The following RNF169 variants were observed in gnomAD, a reference collection of about 807,000 sequenced individuals.
RNF169 encodes ring finger protein 169, also known as E3 ubiquitin-protein ligase RNF169.
RNF169 carries 24 observed loss-of-function variants against 53.9 expected under a neutral mutation model. That is an observed-to-expected ratio of 0.45 (90% confidence interval 0.32 to 0.63). The LOEUF (loss-of-function observed/expected upper bound fraction) is 0.63. RNF169 is among the 20% of genes least tolerant of loss of function. The pLI is 0.04. For missense variants in RNF169, 883 were observed against 906.2 expected (o/e 0.97, Z 0.33); for synonymous variants, 396 against 363.5 (o/e 1.09, Z -1.02).
At chr11:74,829,926 G>A (rs976099616) in intron 4 of RNF169, among the ~76,000 whole-genome samples, 5 of 152,134 alleles carry the variant, frequency 3.3e-5, no homozygotes, top group African/African-American at 1.2e-4. Flanking sequence ...CCTAGGTGAT[G>A]GGATGATCTG....
rs575406389 is a variant in RNF169 at position 74,841,776 on chromosome 11, C to G, written c.*5046C>G. ...GGCAATGAACTCGCTCTTCAAATAC[C>G]ATAGTTCAAGAGTAGCTGTTGGCCC... is the stretch of plus-strand genomic sequence containing the variant. On this transcript the variant is annotated 3_prime_UTR_variant, in exon 6 of 6. Coordinates refer to ENST00000299563, the MANE Select transcript of RNF169 (RefSeq NM_001098638.2). 1 of 152,266 alleles carries G rather than the reference C, an allele frequency of 6.6e-6. No individual in the cohort carries two copies. The highest frequency in any genetic ancestry group is 6.5e-5 in the Admixed American group (1 of 15,294). The allele number at this position is 152,266 out of a possible 1,614,324, so 9.4% of individuals were successfully genotyped here.
intron 2 of RNF169, among the ~76,000 whole-genome samples, chr11:74,808,402 G>A (rs12287287): frequency 0.041 from 6,271 of 152,196 alleles, 134 homozygotes; most frequent in African/African-American, 0.058. Context: ...GTGCATTTAG[G>A]ATGTTTAGTA....
At chr11:74,766,354 CAG>C (rs920720601) in intron 1 of RNF169, among the ~76,000 whole-genome samples, 8 of 152,092 alleles carry the variant, frequency 5.3e-5, no homozygotes, top group Non-Finnish European at 8.8e-5. Flanking sequence ...AAAAAAGCAA[CAG>C]AGGGGTGATT....
rs1218409884 is a variant in RNF169 at position 74,839,873 on chromosome 11, T to A, written c.*3143T>A. ...TGGCCCCTTTAATCTATTTGCCTCT[T>A]TTTAAAAAAGGTTAAGTCTTCTTGG... is the stretch of plus-strand genomic sequence containing the variant. On this transcript the variant is annotated 3_prime_UTR_variant, in exon 6 of 6. Coordinates refer to ENST00000299563, the MANE Select transcript of RNF169 (RefSeq NM_001098638.2). The A allele has an allele frequency of 6.6e-6, 1 of 152,204 alleles. No homozygotes were observed. The highest frequency in any genetic ancestry group is 1.5e-5 in the Non-Finnish European group (1 of 68,044). The allele number at this position is 152,204 out of a possible 1,614,324, so 9.4% of individuals were successfully genotyped here.
intron 4 of RNF169, among the ~76,000 whole-genome samples, chr11:74,830,052 C>T (rs1241035874): frequency 6.6e-6 from 1 of 152,094 alleles, no homozygotes; most frequent in African/African-American, 2.4e-5. Context: ...TACATCAAAA[C>T]TTACTGAATG....
At chr11:74,821,263 G>C (rs2036005590) in intron 4 of RNF169, among the ~76,000 whole-genome samples, 1 of 152,196 alleles carries the variant, frequency 6.6e-6, no homozygotes, top group South Asian at 2.1e-4. Context: ...GTGAGAATCT[G>C]TCCAGTTATT....
intron 4 of RNF169, among the ~76,000 whole-genome samples, chr11:74,825,107 CAAAG>C (rs775230768): frequency 6.6e-6 from 1 of 151,998 alleles, no homozygotes; most frequent in Non-Finnish European, 1.5e-5. Flanking sequence ...TTACAAAAGA[CAAAG>C]AAATACATTA....
intron 2 of RNF169, among the ~76,000 whole-genome samples, chr11:74,804,361 A>G (rs1259284832): frequency 6.6e-6 from 1 of 152,200 alleles, no homozygotes; most frequent in Non-Finnish European, 1.5e-5. Context: ...GTAAAATAAC[A>G]ATTTGTGAAG....
chr11:74,767,170 A>T (rs116125484), intron 1 of RNF169, among the ~76,000 whole-genome samples: 284 of 152,198 alleles, frequency 1.9e-3, no homozygotes, highest in African/African-American at 6.6e-3. Context: ...CTCAGGTGAA[A>T]CACAGACTGA....
At chr11:74,771,654 T>G (rs1383834559) in intron 1 of RNF169, among the ~76,000 whole-genome samples, 1 of 152,146 alleles carries the variant, frequency 6.6e-6, no homozygotes. Context: ...CAGAGAGCTA[T>G]GATTGCATCA....
chr11:74,802,886 A>G (rs1402328012), intron 2 of RNF169, among the ~76,000 whole-genome samples: 1 of 142,986 alleles, frequency 7.0e-6, no homozygotes, highest in African/African-American at 2.6e-5. Flanking sequence ...CTGGGGGAAA[A>G]GGGATTTGAA....
chr11:74,771,531 C>T (rs547295853), intron 1 of RNF169, among the ~76,000 whole-genome samples: 3 of 148,648 alleles, frequency 2.0e-5, no homozygotes, highest in Non-Finnish European at 4.5e-5. Flanking sequence ...TAAGGAGACC[C>T]TTGTCTCTAC....
chr11:74,754,632 C>T (rs1591383702), intron 1 of RNF169, among the ~76,000 whole-genome samples: 1 of 152,074 alleles, frequency 6.6e-6, no homozygotes, highest in Non-Finnish European at 1.5e-5. Context: ...ACCAGCCTGG[C>T]CAACATGGGG....
At chr11:74,750,627 T>G (rs2034873818) in intron 1 of RNF169, among the ~76,000 whole-genome samples, 1 of 118,666 alleles carries the variant, frequency 8.4e-6, no homozygotes, top group Non-Finnish European at 1.6e-5. Flanking sequence ...AGATGGAGTC[T>G]CGCACTGTCG....
intron 4 of RNF169, chr11:74,831,987 A>G (rs1591434139): frequency 1.3e-5 from 2 of 152,342 alleles, no homozygotes; most frequent in Non-Finnish European, 1.5e-5. Flanking sequence ...TACCACATAC[A>G]AAAATGAACT....
chr11:74,784,203 A>G (rs931066481), intron 1 of RNF169, among the ~76,000 whole-genome samples: 1 of 152,250 alleles, frequency 6.6e-6, no homozygotes, highest in Non-Finnish European at 1.5e-5. Context: ...TGAGTAGGAA[A>G]TAAAAGTGAA....
chr11:74,784,970 A>G (rs2035467280), intron 1 of RNF169, among the ~76,000 whole-genome samples: 1 of 152,042 alleles, frequency 6.6e-6, no homozygotes, highest in South Asian at 2.1e-4. Context: ...AACATTTAGC[A>G]TAGAGTGTGC....
chr11:74,765,533 G>T (rs2035159609), intron 1 of RNF169, among the ~76,000 whole-genome samples: 1 of 152,154 alleles, frequency 6.6e-6, no homozygotes, highest in Admixed American at 6.5e-5. Flanking sequence ...GGGTGCGGTG[G>T]CTCACGCCTG....
intron 1 of RNF169, among the ~76,000 whole-genome samples, chr11:74,761,730 C>T (rs1482240796): frequency 6.6e-6 from 1 of 151,896 alleles, no homozygotes; most frequent in Non-Finnish European, 1.5e-5. Flanking sequence ...TCTGGCTGCC[C>T]TTAACATTTT....
Sources: allele counts gnomAD v4.1 joint callset (sites outside exome capture counted in the v4.1 genomes callset), GRCh38; gene constraint gnomAD v4.1.1; transcripts MANE v1.5; gene names NCBI Gene and HGNC (gene_info 2026-07-23, HGNC 2026-07-21).